TEX9: variants seen among roughly 807,000 people sequenced by gnomAD.
TEX9 encodes the protein testis-expressed protein 9.
Under a neutral mutation model 59.6 loss-of-function variants are expected in TEX9, and 74 were observed. That is an observed-to-expected ratio of 1.24 (90% CI 1.03 to 1.51). The LOEUF (loss-of-function observed/expected upper bound fraction) is 1.51, where lower values mean the gene tolerates loss of function less well. Among genes scored for constraint, TEX9 ranks in the 40% most tolerant of loss-of-function variants. TEX9 has a pLI of 0.00. For synonymous variants in TEX9, 186 were observed against 152.2 expected, an observed-to-expected ratio of 1.22 and a Z score of -1.64; for missense variants, 522 against 447.8, an observed-to-expected ratio of 1.17 and a Z score of -1.49.
intron 1 of TEX9, among the ~76,000 whole-genome samples, chr15:56,334,444 T>C (rs1042264018): frequency 2.0e-5 from 3 of 151,904 alleles, no homozygotes; most frequent in Non-Finnish European, 2.9e-5. Flanking sequence ...GCTGGAAAAA[T>C]TGGATATCCA....
intron 12 of TEX9, chr15:56,444,326 T>G (rs2050870397): frequency 1.3e-6 from 1 of 765,480 alleles, no homozygotes; most frequent in African/African-American, 1.8e-5. Flanking sequence ...ATAGCTAGTA[T>G]TTATTGAGCA....
At chr15:56,335,551 ATAGT>A (rs1395876811) in intron 1 of TEX9, among the ~76,000 whole-genome samples, 2 of 152,146 alleles carry the variant, frequency 1.3e-5, no homozygotes, top group Non-Finnish European at 2.9e-5. Context: ...GGTACAAAAA[ATAGT>A]TAGAAAGATT....
chr15:56,442,634 A>C (rs1223582278), intron 12 of TEX9, among the ~76,000 whole-genome samples: 1 of 152,236 alleles, frequency 6.6e-6, no homozygotes, highest in Non-Finnish European at 1.5e-5. Context: ...TAATTAATGC[A>C]GGGATAGAAA....
At chr15:56,250,319 T>TA (rs1240443629) in intron 1 of TEX9, among the ~76,000 whole-genome samples, 1 of 152,116 alleles carries the variant, frequency 6.6e-6, no homozygotes, top group Non-Finnish European at 1.5e-5. Flanking sequence ...GAGCTAAAGT[T>TA]AAAAGTGGCG....
At chr15:56,407,538 A>G (rs1277304567) in intron 9 of TEX9, among the ~76,000 whole-genome samples, 1 of 152,128 alleles carries the variant, frequency 6.6e-6, no homozygotes, top group African/African-American at 2.4e-5. Context: ...TAATACCTGT[A>G]TGATGTGTAA....
At chr15:56,357,351 C>T (rs1454871589) in intron 1 of TEX9, among the ~76,000 whole-genome samples, 1 of 151,790 alleles carries the variant, frequency 6.6e-6, no homozygotes, top group Admixed American at 6.6e-5. Flanking sequence ...TCTTTTTTTC[C>T]TCTTGGCTGC....
At chr15:56,398,274 T>G (rs1434517326) in intron 9 of TEX9, 1 of 152,238 alleles carries the variant, frequency 6.6e-6, no homozygotes, top group African/African-American at 2.4e-5. Flanking sequence ...TGGTTATATG[T>G]TGAAATAATA....
At chr15:56,347,180 C>T (rs2046487582) in intron 1 of TEX9, among the ~76,000 whole-genome samples, 1 of 152,076 alleles carries the variant, frequency 6.6e-6, no homozygotes, top group African/African-American at 2.4e-5. Flanking sequence ...AGATTTAATA[C>T]AATTCCTGTC....
chr15:56,244,296 C>T (rs1596036868), intron 1 of TEX9: 2 of 152,310 alleles, frequency 1.3e-5, no homozygotes, highest in East Asian at 3.9e-4. Context: ...GATAAACTGA[C>T]TTTTCAGAAG....
At chr15:56,349,158 T>G (rs2046528225) in intron 1 of TEX9, among the ~76,000 whole-genome samples, 1 of 152,184 alleles carries the variant, frequency 6.6e-6, no homozygotes, top group Non-Finnish European at 1.5e-5. Flanking sequence ...ATGAATCACA[T>G]TTCATTATTT....
intron 9 of TEX9, among the ~76,000 whole-genome samples, chr15:56,403,388 CAAAGAG>C (rs2048901393): frequency 2.0e-5 from 3 of 152,184 alleles, no homozygotes. Context: ...ACAATTGCTA[CAAAGAG>C]AATCAAATAC....
chr15:56,266,693 A>G (rs949070485), intron 1 of TEX9, among the ~76,000 whole-genome samples: 5 of 152,174 alleles, frequency 3.3e-5, no homozygotes, highest in Admixed American at 1.3e-4. Flanking sequence ...TCCATGGTGT[A>G]TGTGTGCCAT....
rs542933918 is a variant in TEX9, at chr15:56,270,421, G to A, written c.-107+26143G>A. ...TGTAATGGCCTTCTTTGTCTCTTTT[G>A]TTCTTTGTTGGTTTAAAGTCTGTTT... On this transcript the variant is annotated intron_variant, in intron 1 of 5. Transcript: ENST00000560827. 4.7e-4 allele frequency among the ~76,000 whole-genome samples: 71 copies of A among 152,146 alleles called. 1 individual carries two copies. In the South Asian group the frequency reaches 0.012, roughly 26 times the overall value.
intron 1 of TEX9, among the ~76,000 whole-genome samples, chr15:56,297,696 A>G (rs2718954): frequency 1 from 152,237 of 152,344 alleles, 76,065 homozygotes; most frequent in Middle Eastern, 1. Flanking sequence ...GTGGAGACAG[A>G]GTTTTACCAT....
chr15:56,305,756 G>A (rs1000119776), intron 1 of TEX9, among the ~76,000 whole-genome samples: 2 of 152,008 alleles, frequency 1.3e-5, no homozygotes, highest in African/African-American at 4.8e-5. Flanking sequence ...GGTGGTCAAA[G>A]CAAAAATGGA....
intron 1 of TEX9, among the ~76,000 whole-genome samples, chr15:56,277,851 A>C (rs2044711224): frequency 6.6e-6 from 1 of 152,214 alleles, no homozygotes; most frequent in Non-Finnish European, 1.5e-5. Flanking sequence ...AATAACCTTC[A>C]TTTAGGAAGA....
At chr15:56,313,064 C>T (rs1475600413) in intron 1 of TEX9, among the ~76,000 whole-genome samples, 1 of 147,828 alleles carries the variant, frequency 6.8e-6, no homozygotes, top group Non-Finnish European at 1.5e-5. Flanking sequence ...ATGGGGTTTT[C>T]TAGATATACA....
chr15:56,303,709 A>G (rs138937239), intron 1 of TEX9, among the ~76,000 whole-genome samples: 2,537 of 152,286 alleles, frequency 0.017, 30 homozygotes, highest in Middle Eastern at 0.041. Flanking sequence ...AATACAAAAG[A>G]TCAATGAAAG....
At chr15:56,290,445 C>A (rs1041956973) in intron 1 of TEX9, among the ~76,000 whole-genome samples, 2 of 151,810 alleles carry the variant, frequency 1.3e-5, no homozygotes, top group Non-Finnish European at 2.9e-5. Context: ...CATCAGCAAG[C>A]CCTGCCCCCC....
Sources: gnomAD v4.1 joint callset for allele counts (sites outside exome capture counted in the v4.1 genomes callset) on GRCh38, gnomAD v4.1.1 for gene constraint, MANE v1.5 for transcripts, NCBI Gene and HGNC (gene_info 2026-07-23, HGNC 2026-07-21) for gene names.